The following MTUS2 variants were observed in gnomAD, a reference collection of about 807,000 sequenced individuals.
The protein encoded by MTUS2 is microtubule associated scaffold protein 2.
Under a neutral mutation model 114.1 loss-of-function variants are expected in MTUS2, and 40 were observed. The ratio of observed to expected loss-of-function variants is 0.35; its 90% CI spans 0.27 to 0.46. MTUS2 has a LOEUF of 0.46. Among genes scored for constraint, MTUS2 ranks in the 20% least tolerant of loss-of-function variants. The probability of loss-of-function intolerance (pLI) is 1.00; values close to 1 mark genes in which losing one functional copy is unlikely to be tolerated. For synonymous variants in MTUS2, 688 were observed against 672.0 expected, an observed-to-expected ratio of 1.02 and a Z score of -0.37; for missense variants, 1,679 against 1,705.4, an observed-to-expected ratio of 0.98 and a Z score of 0.27.
chr13:28,946,300 TGTGTGC>T (rs1016384061), intron 2 of MTUS2, among the ~76,000 whole-genome samples: 11 of 94,554 alleles, frequency 1.2e-4, no homozygotes, highest in African/African-American at 3.9e-5. Context: ...TGTGTGTGTG[TGTGTGC>T]GCGCGCACAT....
intron 6 of MTUS2, among the ~76,000 whole-genome samples, chr13:29,296,452 C>T (rs1162149982): frequency 6.6e-6 from 1 of 152,006 alleles, no homozygotes; most frequent in African/African-American, 2.4e-5. Flanking sequence ...CTCAAGCAAT[C>T]CTCCCACCTT....
intron 5 of MTUS2, among the ~76,000 whole-genome samples, chr13:29,135,624 A>G (rs1566026173): frequency 6.6e-6 from 1 of 151,970 alleles, no homozygotes; most frequent in Non-Finnish European, 1.5e-5. Context: ...TTGCATTACT[A>G]TCTTCTTTGT....
At chr13:29,048,026 T>C (rs1409101297) in intron 4 of MTUS2, among the ~76,000 whole-genome samples, 3 of 152,254 alleles carry the variant, frequency 2.0e-5, no homozygotes, top group Non-Finnish European at 2.9e-5. Context: ...TTGTATGGAT[T>C]TAAAACAATT....
At chr13:28,968,863 C>G (rs1883721855) in intron 2 of MTUS2, among the ~76,000 whole-genome samples, 1 of 151,948 alleles carries the variant, frequency 6.6e-6, no homozygotes, top group African/African-American at 2.4e-5. Context: ...AAATTTTATT[C>G]AAAGTATACT....
intron 3 of MTUS2, among the ~76,000 whole-genome samples, chr13:29,029,648 G>T (rs534690145): frequency 6.6e-6 from 1 of 152,312 alleles, no homozygotes; most frequent in African/African-American, 2.4e-5. Context: ...TGGTTCTGCA[G>T]GCTGGAGAGG....
chr13:29,505,349 T>A lies in MTUS2; in HGVS notation c.*2143T>A, dbSNP rs3011622. 0.96 allele frequency: 222,105 copies of A among 231,672 alleles called. 106,718 individuals carry two copies. Among genetic ancestry groups the A allele is most frequent in the Middle Eastern group, 0.99 (767 of 776 alleles). The allele number at this position is 231,672 out of a possible 1,614,324, so 14.4% of individuals were successfully genotyped here. A position where few individuals can be genotyped will look rare whatever the true frequency, so the allele number is the denominator to read the frequency against. On this transcript the variant is annotated 3_prime_UTR_variant, in exon 16 of 16. Transcript: ENST00000612955. The stretch of plus-strand genomic sequence containing the variant: ...TGCTGTGGTCAGAGTTGTAGCATCG[T>A]TAGCACTAAGTAATTCCTCATTAGG...
At chr13:28,971,404 G>A (rs928320131) in intron 2 of MTUS2, among the ~76,000 whole-genome samples, 2 of 152,172 alleles carry the variant, frequency 1.3e-5, no homozygotes, top group African/African-American at 2.4e-5. Flanking sequence ...GGATATGTCC[G>A]AAGGAATCCT....
intron 5 of MTUS2, among the ~76,000 whole-genome samples, chr13:29,138,883 A>G (rs7336445): frequency 0.011 from 1,634 of 152,288 alleles, 26 homozygotes; most frequent in African/African-American, 0.037. Flanking sequence ...CAGTTATTTA[A>G]TAAGGTATTA....
intron 4 of MTUS2, among the ~76,000 whole-genome samples, chr13:29,098,625 T>G (rs1485530005): frequency 2.0e-5 from 3 of 152,194 alleles, no homozygotes. Flanking sequence ...CGTCTCTACA[T>G]GTTCCAGTGC....
chr13:29,220,901 G>A (rs893506162), intron 5 of MTUS2, among the ~76,000 whole-genome samples: 1 of 152,318 alleles, frequency 6.6e-6, no homozygotes, highest in Non-Finnish European at 1.5e-5. Context: ...AGCAAAGCAC[G>A]ATAGAATGAG....
At chr13:29,395,194 G>A (rs975716723) in intron 8 of MTUS2, among the ~76,000 whole-genome samples, 1 of 152,150 alleles carries the variant, frequency 6.6e-6, no homozygotes, top group Non-Finnish European at 1.5e-5. Context: ...GTCTTAAGAT[G>A]TCTATTTTAA....
chr13:29,055,324 A>G (rs115426479), intron 4 of MTUS2, among the ~76,000 whole-genome samples: 1,531 of 152,190 alleles, frequency 0.01, 23 homozygotes, highest in African/African-American at 0.035. Context: ...CAGAAAACCA[A>G]TTTCCTATGC....
chr13:29,378,358 A>G (rs1196315021), intron 8 of MTUS2, among the ~76,000 whole-genome samples: 1 of 152,052 alleles, frequency 6.6e-6, no homozygotes, highest in Non-Finnish European at 1.5e-5. Context: ...TATTGGCTTG[A>G]AATTTACAGG....
At chr13:28,918,488 T>G (rs1245679394) in intron 2 of MTUS2, among the ~76,000 whole-genome samples, 1 of 152,030 alleles carries the variant, frequency 6.6e-6, no homozygotes, top group Non-Finnish European at 1.5e-5. Context: ...CTCTTGTTCT[T>G]TTTTGGTTTC....
At chr13:29,488,068 G>A (rs769903604) in intron 11 of MTUS2, 63 bp downstream of exon 11, 234 of 1,261,722 alleles carry the variant, frequency 1.9e-4, no homozygotes, top group Non-Finnish European at 2.7e-4. Flanking sequence ...CTTTCCTGCT[G>A]CAGATGTGTG....
At chr13:29,063,822 C>T (rs1225528469) in intron 4 of MTUS2, among the ~76,000 whole-genome samples, 2 of 152,206 alleles carry the variant, frequency 1.3e-5, no homozygotes, top group African/African-American at 2.4e-5. Context: ...TGACTTTAGT[C>T]TCTTTGGTAG....
rs534863117 is a variant in MTUS2 at position 29,078,069 on chromosome 13, C to CT, written c.2447-22698dup. Among the ~76,000 whole-genome samples the CT allele has an allele frequency of 5.3e-4, 81 of 152,156 alleles. No homozygotes were observed. The Middle Eastern group carries it at 0.01, about 19-fold the overall frequency. ...TTTAAAAGTTCAGCAGCAGCACAAT[C>CT]TTTTTTGTTGTTCGAATAGAAATTT... On this transcript the variant is annotated intron_variant, in intron 4 of 15. Transcript: ENST00000612955.
At chr13:29,117,724 A>G (rs1233049933) in intron 5 of MTUS2, among the ~76,000 whole-genome samples, 4 of 152,200 alleles carry the variant, frequency 2.6e-5, no homozygotes, top group Admixed American at 6.5e-5. Context: ...TCTGTGTGGC[A>G]AGGAGTTGAC....
intron 5 of MTUS2, among the ~76,000 whole-genome samples, chr13:29,156,822 C>T (rs1298796101): frequency 3.3e-5 from 5 of 152,124 alleles, no homozygotes; most frequent in South Asian, 2.1e-4. Context: ...ATGAATTTTT[C>T]CCGCTTTGTT....
Sources: gnomAD v4.1 joint callset for allele counts (sites outside exome capture counted in the v4.1 genomes callset) on GRCh38, gnomAD v4.1.1 for gene constraint, MANE v1.5 for transcripts, NCBI Gene and HGNC (gene_info 2026-07-23, HGNC 2026-07-21) for gene names.